Variants in PLAAT1 observed in about 807,000 individuals in gnomAD.
The protein encoded by PLAAT1 is phospholipase A and acyltransferase 1, also known as H-REV107 protein-related protein.
In PLAAT1, 13 loss-of-function variants were observed where a neutral mutation model predicts 16.4. The ratio of observed to expected loss-of-function variants is 0.79; its 90% CI spans 0.52 to 1.26. The LOEUF is 1.26. Among genes scored for constraint, PLAAT1 ranks in the 50% most tolerant of loss-of-function variants. The pLI, the probability that PLAAT1 is intolerant of heterozygous loss-of-function variation, is 0.00. For missense variants in PLAAT1, 218 were observed against 207.8 expected (o/e 1.05, Z -0.30); for synonymous variants, 73 against 78.4 (o/e 0.93, Z 0.36).
chr3:193,240,633 A>C (rs1577293344), upstream of PLAAT1, among the ~76,000 whole-genome samples: 1 of 100,622 alleles, frequency 9.9e-6, no homozygotes, highest in Non-Finnish European at 2.1e-5. Flanking sequence ...CGGGGTCTGG[A>C]GGTCTGTGCT....
At chr3:193,258,253 G>A (rs186712384) in intron 2 of PLAAT1, among the ~76,000 whole-genome samples, 9 of 152,152 alleles carry the variant, frequency 5.9e-5, no homozygotes, top group African/African-American at 1.2e-4. Context: ...TTTGGGATGC[G>A]CCTAAATCAA....
chr3:193,280,507 T>G (rs983441772), downstream of PLAAT1, among the ~76,000 whole-genome samples: 1 of 152,224 alleles, frequency 6.6e-6, no homozygotes, highest in African/African-American at 2.4e-5. Flanking sequence ...TGGCTTTATC[T>G]CTGGTTCTCT....
Position 193,270,802 on chromosome 3 carries a change from A to C in PLAAT1, c.*97A>C. On this transcript the variant is annotated 3_prime_UTR_variant, in exon 4 of 4. Transcript: ENST00000264735. The stretch of plus-strand genomic sequence containing the variant: ...TTTCAGTGCATCATTACTGTTCCAG[A>C]TTCCTATGATGGATGGCAGACTCTT... 3 of 1,458,996 alleles carry C rather than the reference A, an allele frequency of 2.1e-6. No homozygotes were observed. The highest frequency in any genetic ancestry group is 1.8e-6 in the Non-Finnish European group (2 of 1,102,206). 90.4% of individuals were successfully genotyped at this position (1,458,996 alleles called of 1,614,324 possible). A position where few individuals can be genotyped will look rare whatever the true frequency, so the allele number is the denominator to read the frequency against.
downstream of PLAAT1, among the ~76,000 whole-genome samples, chr3:193,280,513 T>A (rs1717440831): frequency 6.6e-6 from 1 of 152,208 alleles, no homozygotes; most frequent in African/African-American, 2.4e-5. Context: ...TATCTCTGGT[T>A]CTCTGGAACT....
downstream of PLAAT1, among the ~76,000 whole-genome samples, chr3:193,271,339 T>A (rs1716977017): frequency 6.6e-6 from 1 of 152,220 alleles, no homozygotes; most frequent in Non-Finnish European, 1.5e-5. Context: ...AAGAGTGGGC[T>A]GTTATTTCTA....
intron 1 of PLAAT1, among the ~76,000 whole-genome samples, chr3:193,249,610 C>T (rs1024235539): frequency 3.3e-5 from 5 of 152,112 alleles, no homozygotes; most frequent in African/African-American, 1.2e-4. Flanking sequence ...TCTCTCTTCC[C>T]TTTCTTGTAC....
At chr3:193,267,313 T>C (rs919565808) in intron 3 of PLAAT1, among the ~76,000 whole-genome samples, 4 of 152,174 alleles carry the variant, frequency 2.6e-5, no homozygotes, top group African/African-American at 9.6e-5. Flanking sequence ...TATAGTATTA[T>C]AAATAATAAT....
At chr3:193,252,965 T>G (rs535955515) in intron 1 of PLAAT1, among the ~76,000 whole-genome samples, 11 of 152,234 alleles carry the variant, frequency 7.2e-5, no homozygotes, top group African/African-American at 2.6e-4. Flanking sequence ...AGCAGCAATG[T>G]GGGTGAGCGG....
chr3:193,254,601 A>G (rs6764724), intron 1 of PLAAT1, among the ~76,000 whole-genome samples: 137,619 of 152,174 alleles, frequency 0.9, 62,462 homozygotes, highest in East Asian at 0.98. Flanking sequence ...ATACTTATGT[A>G]TTCTTTCTAA....
intron 1 of PLAAT1, among the ~76,000 whole-genome samples, chr3:193,242,231 A>G (rs1266612641): frequency 1.3e-5 from 2 of 151,744 alleles, no homozygotes; most frequent in African/African-American, 4.8e-5. Context: ...GACGCATGGT[A>G]TAGAGAAAAA....
At chr3:193,258,879 G>A (rs1716481712) in intron 2 of PLAAT1, among the ~76,000 whole-genome samples, 1 of 152,210 alleles carries the variant, frequency 6.6e-6, no homozygotes, top group Admixed American at 6.5e-5. Context: ...ACCCCAGGAG[G>A]AGGGGCTCCT....
At position 193,241,504 on chromosome 3, in the gene PLAAT1, G is replaced by A; in HGVS notation, c.-30G>A. On this transcript the variant is annotated 5_prime_UTR_variant, in exon 1 of 4. Transcript: ENST00000264735. ...AGGACACACACAGCTGCCTCCCGGT[G>A]CGAGAAGAAGACCCCGGCTTGAGAG... The A allele has an allele frequency of 8.1e-7, 1 of 1,231,958 alleles. No individual in the cohort carries two copies. The highest frequency in any genetic ancestry group is 1.0e-6 in the Non-Finnish European group (1 of 988,158). The allele number at this position is 1,231,958 out of a possible 1,614,324, so 76.3% of individuals were successfully genotyped here. A position where few individuals can be genotyped will look rare whatever the true frequency, so the allele number is the denominator to read the frequency against.
chr3:193,262,450 T>A lies in PLAAT1; in HGVS notation c.140-520T>A, dbSNP rs565100771. Reference sequence around the variant, plus strand: ...CTGAGGTACCATGCGGGTTTCGGAATAGGAAATTGGACCCCAAATTGATGC... The same window carrying A: ...CTGAGGTACCATGCGGGTTTCGGAAAAGGAAATTGGACCCCAAATTGATGC... On this transcript the variant is annotated intron_variant, in intron 2 of 3. Coordinates refer to ENST00000264735, the MANE Select transcript of PLAAT1 (RefSeq NM_020386.5). Among the ~76,000 whole-genome samples, 3 of 150,140 alleles carry A rather than the reference T, an allele frequency of 2.0e-5. No individual in the cohort carries two copies. The South Asian group carries it at 6.3e-4, about 32-fold the overall frequency.
rs1331535673 is a variant in PLAAT1, at chr3:193,241,410, G to A, written c.-124G>A. Reference sequence around the variant, plus strand: ...GGCGCCTGCCTCCCGGGTGTCTCCCGGGTACAGATGGAGTCGTCCCGCGGC... The same window carrying A: ...GGCGCCTGCCTCCCGGGTGTCTCCCAGGTACAGATGGAGTCGTCCCGCGGC... On this transcript the variant is annotated 5_prime_UTR_variant, in exon 1 of 4. Coordinates refer to ENST00000264735, the MANE Select transcript of PLAAT1 (RefSeq NM_020386.5). The A allele has an allele frequency of 8.1e-7, 1 of 1,231,690 alleles. No homozygotes were observed. Among genetic ancestry groups the A allele is most frequent in the African/African-American group, 1.6e-5 (1 of 64,412 alleles). The allele number at this position is 1,231,690 out of a possible 1,614,324, so 76.3% of individuals were successfully genotyped here.
At chr3:193,244,789 C>G (rs1412766297) in intron 1 of PLAAT1, among the ~76,000 whole-genome samples, 2 of 151,998 alleles carry the variant, frequency 1.3e-5, no homozygotes, top group African/African-American at 4.8e-5. Context: ...TAGCTTAGGT[C>G]TCTCTTCCTG....
At chr3:193,277,243 G>A (rs111650894) in intron 2 of PLAAT1, among the ~76,000 whole-genome samples, 46 of 152,206 alleles carry the variant, frequency 3.0e-4, no homozygotes, top group Non-Finnish European at 5.1e-4. Context: ...CATTCTTTAA[G>A]GAGGACAGAG....
chr3:193,249,177 T>A (rs1443747160), intron 1 of PLAAT1, among the ~76,000 whole-genome samples: 1 of 152,180 alleles, frequency 6.6e-6, no homozygotes, highest in East Asian at 1.9e-4. Context: ...TTGAAAGATC[T>A]GATGGGGGTC....
chr3:193,274,713 TTTC>T, downstream of PLAAT1: 1 of 258,386 alleles, frequency 3.9e-6, no homozygotes, highest in Non-Finnish European at 7.3e-6. Context: ...TGCCTCAATT[TTTC>T]TTTTTTCCAT....
At chr3:193,258,286 A>G (rs1577305752) in intron 2 of PLAAT1, among the ~76,000 whole-genome samples, 2 of 152,280 alleles carry the variant, frequency 1.3e-5, no homozygotes, top group Admixed American at 1.3e-4. Flanking sequence ...AGTTTATAGC[A>G]CTAAGCACTG....
Sources: allele counts gnomAD v4.1 joint callset (sites outside exome capture counted in the v4.1 genomes callset), GRCh38; gene constraint gnomAD v4.1.1; transcripts MANE v1.5; gene names NCBI Gene and HGNC (gene_info 2026-07-23, HGNC 2026-07-21).